Variants in NAALADL2 observed in about 807,000 individuals in gnomAD.
NAALADL2 encodes the protein inactive N-acetylated-alpha-linked acidic dipeptidase-like protein 2.
In NAALADL2, 76 loss-of-function variants were observed where a neutral mutation model predicts 87.2. The observed-to-expected ratio is 0.87, with a 90% CI of 0.72 to 1.05. The LOEUF (loss-of-function observed/expected upper bound fraction) is 1.05. NAALADL2 is among the 50% of genes least tolerant of loss of function. NAALADL2 has a pLI of 0.00. For synonymous variants in NAALADL2, 354 were observed against 331.0 expected (o/e 1.07, Z -0.75); for missense variants, 1,089 against 945.8 (o/e 1.15, Z -1.99).
intron 9 of NAALADL2, among the ~76,000 whole-genome samples, chr3:175,555,935 A>G (rs1441110512): frequency 3.9e-5 from 6 of 152,186 alleles, no homozygotes; most frequent in Non-Finnish European, 8.8e-5. Context: ...AAAATGAAAA[A>G]GCCTCTTAAT....
intron 11 of NAALADL2, among the ~76,000 whole-genome samples, chr3:175,644,891 A>C (rs1314080649): frequency 6.6e-6 from 1 of 152,152 alleles, no homozygotes; most frequent in Non-Finnish European, 1.5e-5. Context: ...GCAATAGCAA[A>C]CAATTGAAAA....
rs550904174 is a variant in NAALADL2, at chr3:175,623,723, G to A, written c.1801-3568G>A. ...GCCACCAGAATCTGGAAGAGTTAAG[G>A]AAGGAATCTCATAAAGCCTCAGGGA... On this transcript the variant is annotated intron_variant, in intron 10 of 13. Transcript: ENST00000454872. 1.2e-3 allele frequency among the ~76,000 whole-genome samples: 178 copies of A among 152,104 alleles called. 2 individuals carry two copies. The highest frequency in any genetic ancestry group is 2.1e-3 in the South Asian group (10 of 4,828).
At chr3:175,566,300 G>T (rs1016149192) in intron 9 of NAALADL2, among the ~76,000 whole-genome samples, 8 of 152,124 alleles carry the variant, frequency 5.3e-5, no homozygotes, top group Non-Finnish European at 1.2e-4. Flanking sequence ...ATTGACAATG[G>T]GCAGTTTTTC....
chr3:175,498,811 G>A (rs1480992544), intron 9 of NAALADL2, among the ~76,000 whole-genome samples: 2 of 152,032 alleles, frequency 1.3e-5, no homozygotes, highest in Non-Finnish European at 2.9e-5. Flanking sequence ...CCCAGAATGT[G>A]ACTGTATTTA....
chr3:175,287,957 CTAAT>C (rs1202601602), intron 4 of NAALADL2, among the ~76,000 whole-genome samples: 1 of 152,126 alleles, frequency 6.6e-6, no homozygotes, highest in East Asian at 1.9e-4. Context: ...AGTTAACTCT[CTAAT>C]TATTTGTTTA....
At chr3:175,115,515 ATACT>A (rs1398183121) in intron 2 of NAALADL2, among the ~76,000 whole-genome samples, 3 of 151,614 alleles carry the variant, frequency 2.0e-5, no homozygotes, top group Non-Finnish European at 4.4e-5. Context: ...TATCCTAATA[ATACT>A]TTCTTACCCA....
At chr3:174,758,709 C>T (rs1045423705) in intron 3 of NAALADL2, among the ~76,000 whole-genome samples, 3 of 152,166 alleles carry the variant, frequency 2.0e-5, no homozygotes, top group Admixed American at 1.3e-4. Context: ...CTTTTCCAGT[C>T]CCCCATTAAA....
chr3:174,813,219 A>G (rs1003660820), intron 3 of NAALADL2, among the ~76,000 whole-genome samples: 2 of 152,112 alleles, frequency 1.3e-5, no homozygotes, highest in Non-Finnish European at 2.9e-5. Flanking sequence ...TTGGAAGAAG[A>G]AGAATTGTCT....
intron 3 of NAALADL2, among the ~76,000 whole-genome samples, chr3:174,820,516 C>A (rs1020788010): frequency 3.3e-5 from 5 of 151,966 alleles, no homozygotes; most frequent in Admixed American, 2.0e-4. Context: ...AGCTCATAAA[C>A]AAAAGAAACT....
chr3:174,805,445 T>C (rs971704206), intron 3 of NAALADL2, among the ~76,000 whole-genome samples: 2 of 152,154 alleles, frequency 1.3e-5, no homozygotes, highest in Non-Finnish European at 2.9e-5. Flanking sequence ...TGATGCCCAG[T>C]ATTGCCTGGG....
chr3:174,724,893 A>G (rs1732042407), intron 2 of NAALADL2, among the ~76,000 whole-genome samples: 1 of 152,154 alleles, frequency 6.6e-6, no homozygotes, highest in South Asian at 2.1e-4. Context: ...AACTTTGAGA[A>G]TTACTTAGGG....
chr3:174,602,775 C>A (rs1200109541), intron 2 of NAALADL2, among the ~76,000 whole-genome samples: 1 of 151,916 alleles, frequency 6.6e-6, no homozygotes, highest in African/African-American at 2.4e-5. Flanking sequence ...TTATACATTG[C>A]TTTTCTTATG....
intron 3 of NAALADL2, among the ~76,000 whole-genome samples, chr3:174,743,149 C>T (rs752260330): frequency 2.0e-5 from 3 of 151,656 alleles, no homozygotes; most frequent in Non-Finnish European, 3.0e-5. Context: ...ATTTTGCTTC[C>T]AAGAAGTGGC....
At chr3:174,673,717 A>G (rs1458692432) in intron 2 of NAALADL2, among the ~76,000 whole-genome samples, 1 of 151,188 alleles carries the variant, frequency 6.6e-6, no homozygotes, top group African/African-American at 2.4e-5. Context: ...GATAGAAGGA[A>G]TAAGTTACAG....
chr3:175,261,195 C>T lies in NAALADL2; in HGVS notation c.939+4665C>T, dbSNP rs116226077. Among the ~76,000 whole-genome samples, 110 of 152,250 alleles carry T rather than the reference C, an allele frequency of 7.2e-4. 1 individual carries two copies. Among genetic ancestry groups the T allele is most frequent in the African/African-American group, 2.5e-3 (104 of 41,550 alleles). On this transcript the variant is annotated intron_variant, in intron 4 of 13. Coordinates refer to ENST00000454872, the MANE Select transcript of NAALADL2 (RefSeq NM_207015.3). ...ACATTAATTCGTCACAATGTACTCA[C>T]ATTTCTCTCAGTGACAACCTGACAC...
chr3:174,821,386 T>C (rs1277411407), intron 3 of NAALADL2, among the ~76,000 whole-genome samples: 2 of 152,216 alleles, frequency 1.3e-5, no homozygotes, highest in African/African-American at 4.8e-5. Flanking sequence ...ATATAGTAGA[T>C]GATCTGGTAA....
At chr3:174,468,323 G>A (rs527296250) in intron 1 of NAALADL2, among the ~76,000 whole-genome samples, 2 of 151,954 alleles carry the variant, frequency 1.3e-5, no homozygotes, top group East Asian at 1.9e-4. Flanking sequence ...ACTTGAGCCA[G>A]TGTATTCCGT....
intron 5 of NAALADL2, among the ~76,000 whole-genome samples, chr3:175,359,089 C>G (rs1458807057): frequency 6.6e-6 from 1 of 151,976 alleles, no homozygotes; most frequent in East Asian, 1.9e-4. Context: ...TAATTCCTAT[C>G]CACCAATGCT....
At chr3:175,409,672 CATTA>C (rs1713103186) in intron 5 of NAALADL2, among the ~76,000 whole-genome samples, 1 of 151,602 alleles carries the variant, frequency 6.6e-6, no homozygotes, top group Non-Finnish European at 1.5e-5. Flanking sequence ...CTTGTAAATT[CATTA>C]ATTTAGGTAG....
Sources: gnomAD v4.1 joint callset for allele counts (sites outside exome capture counted in the v4.1 genomes callset) on GRCh38, gnomAD v4.1.1 for gene constraint, MANE v1.5 for transcripts, NCBI Gene and HGNC (gene_info 2026-07-23, HGNC 2026-07-21) for gene names.